Variants in PPP1R10 observed in about 807,000 individuals in gnomAD.
PPP1R10 encodes serine/threonine-protein phosphatase 1 regulatory subunit 10.
PPP1R10 carries 15 observed loss-of-function variants against 99.0 expected under a neutral mutation model. The observed-to-expected ratio is 0.15, with a 90% confidence interval of 0.10 to 0.23. The LOEUF (loss-of-function observed/expected upper bound fraction) is 0.23. PPP1R10 is among the 10% of genes least tolerant of loss of function. The pLI is 1.00. For synonymous variants in PPP1R10, 430 were observed against 449.5 expected, an observed-to-expected ratio of 0.96 and a Z score of 0.55; for missense variants, 947 against 1,259.4, an observed-to-expected ratio of 0.75 and a Z score of 3.75.
chr6:30,608,050 G>C (rs988775642), intron 5 of PPP1R10, among the ~76,000 whole-genome samples, 159 bp from the exon 6 acceptor site: 3 of 150,772 alleles, frequency 2.0e-5, no homozygotes, highest in Non-Finnish European at 4.4e-5. Flanking sequence ...GTGCAGTGGC[G>C]CAGTCTTGGC....
Position 30,602,574 on chromosome 6 carries a change from A to C in PPP1R10, c.2075T>G (p.Met692Arg), listed in dbSNP as rs1216849171. 1 of 1,565,374 alleles carries C rather than the reference A, an allele frequency of 6.4e-7. No homozygotes were observed. Among genetic ancestry groups the C allele is most frequent in the African/African-American group, 1.4e-5 (1 of 72,352 alleles). The change falls in exon 19 of 20, where the codon ATG becomes AGG. Residue 692 changes from methionine to arginine, a missense_variant. Coordinates refer to ENST00000376511, the MANE Select transcript of PPP1R10 (RefSeq NM_002714.4). This position sits in a 1 kb window ranked among gnomAD's most constrained non-coding sequence, Gnocchi z 6.7. ...AGGACCTGGTCCTGGACCCCCCCGC[A>C]TTGGGCCACCCCGCATAGGGTCGCC... ...GPGDPMRGGPMRGGPGPGPGP... is the reference protein window; with the variant it reads ...GPGDPMRGGPRRGGPGPGPGP...
intron 2 of PPP1R10, among the ~76,000 whole-genome samples, chr6:30,610,309 T>C (rs746558445): frequency 1.4e-4 from 21 of 152,290 alleles, no homozygotes; most frequent in Non-Finnish European, 2.9e-4. Context: ...GATGTTCAAC[T>C]CTCCAGGGCA....
chr6:30,602,248 C>T lies in PPP1R10; in HGVS notation c.2401G>A (p.Glu801Lys), dbSNP rs765124605. 5.0e-6 allele frequency: 8 copies of T among 1,611,954 alleles called. No homozygotes were observed. Among genetic ancestry groups the T allele is most frequent in the Admixed American group, 3.3e-5 (2 of 59,968 alleles). ...MGGGGGHRPH[E>K]GPGGGISGGS... ...CCACTGATGCCACCGCCAGGGCCTT[C>T]GTGGGGACGATGTCCTCCACCCCCA... Residue 801 changes from glutamate to lysine, a missense_variant, in exon 19 of 20, where the codon GAA becomes AAA. Physicochemically the swap from Glu to Lys is moderately conservative, Grantham distance 56. Transcript: ENST00000376511. This position sits in a 1 kb window ranked among gnomAD's most constrained non-coding sequence, Gnocchi z 6.7.
intron 17 of PPP1R10, 41 bp downstream of exon 17, chr6:30,603,169 G>A: frequency 6.4e-7 from 1 of 1,571,582 alleles, no homozygotes; most frequent in South Asian, 1.1e-5. Context: ...TCCACTGCAG[G>A]CTTCCTCCCC....
chr6:30,603,684 A>C lies in PPP1R10; in HGVS notation c.1573-18T>G. On this transcript the variant is annotated intron_variant, in intron 15 of 19. Coordinates refer to ENST00000376511, the MANE Select transcript of PPP1R10 (RefSeq NM_002714.4). ...GAACACTCCTGAAAGAAGAACAAAAAAAATCAGGATTGACAGAACAGAGAC... is the reference window on the plus strand; with the variant it reads ...GAACACTCCTGAAAGAAGAACAAAACAAATCAGGATTGACAGAACAGAGAC... The C allele has an allele frequency of 1.9e-6, 3 of 1,570,838 alleles. No homozygotes were observed. The highest frequency in any genetic ancestry group is 2.6e-6 in the Non-Finnish European group (3 of 1,161,244).
chr6:30,611,809 T>C (rs1804586676), intron 2 of PPP1R10, among the ~76,000 whole-genome samples: 1 of 151,966 alleles, frequency 6.6e-6, no homozygotes. Context: ...CCTCCACAAA[T>C]ACAAGTGGAA....
intron 5 of PPP1R10, among the ~76,000 whole-genome samples, chr6:30,608,259 T>C (rs1804165149): frequency 6.6e-6 from 1 of 151,134 alleles, no homozygotes; most frequent in Admixed American, 6.6e-5. Flanking sequence ...CCCAAAGTGT[T>C]GGGATTACAG....
rs1419857645 is a variant in PPP1R10, at chr6:30,603,764, C to T, written c.1572+16G>A. ...ATGACCATCACAACTTCCATCATCA[C>T]AGAACATTGACTTACCTCATCTAGG... On this transcript the variant is annotated intron_variant, in intron 15 of 19. Transcript: ENST00000376511. The T allele has an allele frequency of 6.5e-7, 1 of 1,543,962 alleles. No individual in the cohort carries two copies. The highest frequency in any genetic ancestry group is 2.3e-5 in the East Asian group (1 of 44,342).
In PPP1R10 at chr6:30,610,511, G is replaced by A. The variant is rs888444101; in HGVS notation, c.-11-556C>T. On this transcript the variant is annotated intron_variant, in intron 2 of 19. Transcript: ENST00000376511. Reference sequence around the variant, plus strand: ...CATGGCAAGATATGTATCAGCTGAAGTGGTAGATGATGGAGAACAAAACAA... The same window carrying A: ...CATGGCAAGATATGTATCAGCTGAAATGGTAGATGATGGAGAACAAAACAA... 2.0e-5 allele frequency among the ~76,000 whole-genome samples: 3 copies of A among 152,326 alleles called. 1 individual carries two copies. The highest frequency in any genetic ancestry group is 6.5e-5 in the Admixed American group (1 of 15,300).
At position 30,616,727 on chromosome 6, in the gene PPP1R10, G is replaced by T. The variant is rs1313933901; in HGVS notation, c.-261C>A. The T allele has an allele frequency of 6.6e-6, 1 of 152,166 alleles. No homozygotes were observed. Among genetic ancestry groups the T allele is most frequent in the Non-Finnish European group, 1.5e-5 (1 of 68,032 alleles). The allele number at this position is 152,166 out of a possible 1,614,324, so 9.4% of individuals were successfully genotyped here. A position where few individuals can be genotyped will look rare whatever the true frequency, so the allele number is the denominator to read the frequency against. ...TCAAAAAAGTAAACGCTGGATGAGT[G>T]AATTTGGGTGGTTTGGGAAGGGAGG... On this transcript the variant is annotated 5_prime_UTR_variant, in exon 2 of 20. Transcript: ENST00000376511.
In PPP1R10 at chr6:30,600,426, G is replaced by GT. The variant is rs1332543456; in HGVS notation, c.*1122dup. 2 of 152,060 alleles carry GT rather than the reference G, an allele frequency of 1.3e-5. No homozygotes were observed. Among genetic ancestry groups the GT allele is most frequent in the Non-Finnish European group, 2.9e-5 (2 of 67,968 alleles). The allele number at this position is 152,060 out of a possible 1,614,324, so 9.4% of individuals were successfully genotyped here. A position where few individuals can be genotyped will look rare whatever the true frequency, so the allele number is the denominator to read the frequency against. On this transcript the variant is annotated 3_prime_UTR_variant, in exon 20 of 20. Coordinates refer to ENST00000376511, the MANE Select transcript of PPP1R10 (RefSeq NM_002714.4). ...TAAATAAGCTGCTTCTCTTTCCACT[G>GT]TTTATTATTAATGTACAAAATATAC...
Position 30,604,839 on chromosome 6 carries a change from G to A in PPP1R10, c.955-104C>T. ...GTCCCCCAACAGTTCCTATATAAAGGAAGACTCTGTCTCCACAATGTCTCA... is the reference window on the plus strand; with the variant it reads ...GTCCCCCAACAGTTCCTATATAAAGAAAGACTCTGTCTCCACAATGTCTCA... On this transcript the variant is annotated intron_variant, in intron 11 of 19. Coordinates refer to ENST00000376511, the MANE Select transcript of PPP1R10 (RefSeq NM_002714.4). The surrounding 1 kb of genome is among the most constrained non-coding windows in gnomAD (Gnocchi z 7.3). 2 of 1,556,202 alleles carry A rather than the reference G, an allele frequency of 1.3e-6. No homozygotes were observed. The highest frequency in any genetic ancestry group is 1.1e-5 in the South Asian group (1 of 89,882).
In PPP1R10 at chr6:30,603,480, A is replaced by T; in HGVS notation, c.1759T>A (p.Ser587Thr). The T allele has an allele frequency of 6.2e-7, 1 of 1,609,806 alleles. No homozygotes were observed. The highest frequency in any genetic ancestry group is 8.5e-7 in the Non-Finnish European group (1 of 1,177,888). The change falls in exon 16 of 20, where the codon TCC (serine) becomes ACC (threonine). Residue 587 changes from serine to threonine, a missense_variant. This residue lies in a region of PPP1R10 where 525 missense variants were observed against 578.8 expected (regional missense o/e 0.91). Coordinates refer to ENST00000376511, the MANE Select transcript of PPP1R10 (RefSeq NM_002714.4). ...GGINVQEILTSIMGSPNSHPS... is the reference protein window; with the variant it reads ...GGINVQEILTTIMGSPNSHPS... The stretch of plus-strand genomic sequence containing the variant: ...GGAAGGAGGGTGCGTACCATGATGG[A>T]GGTGAGGATCTCTTGGACATTAATG...
chr6:30,602,868 A>AG lies in PPP1R10; in HGVS notation c.1934dup (p.Gly646TrpfsTer32). 6.4e-7 allele frequency: 1 copy of AG among 1,555,618 alleles called. No individual in the cohort carries two copies. The highest frequency in any genetic ancestry group is 8.7e-7 in the Non-Finnish European group (1 of 1,148,706). ...TACCTGGCATAGGTCCCCCAGGTCC[A>AG]GGGGGAAAGTGCTGCATGCCCTTGG... is the stretch of plus-strand genomic sequence containing the variant. On this transcript the variant is annotated frameshift_variant, in exon 18 of 20. Transcript: ENST00000376511. LOFTEE classifies it high-confidence loss of function. This position sits in a 1 kb window ranked among gnomAD's most constrained non-coding sequence, Gnocchi z 6.7.
At chr6:30,614,965 C>T (rs1023011966) in intron 2 of PPP1R10, among the ~76,000 whole-genome samples, 3 of 152,164 alleles carry the variant, frequency 2.0e-5, no homozygotes, top group Admixed American at 6.5e-5. Context: ...CAGCAACGAG[C>T]ACAGGCAGTG....
At chr6:30,612,149 C>A (rs369609625) in intron 2 of PPP1R10, among the ~76,000 whole-genome samples, 2 of 152,126 alleles carry the variant, frequency 1.3e-5, no homozygotes, top group East Asian at 3.8e-4. Context: ...CCATTAGATT[C>A]CTAAAGCAAA....
In PPP1R10 at chr6:30,604,881, T is replaced by A; in HGVS notation, c.954+113A>T. 6.6e-7 allele frequency: 1 copy of A among 1,512,808 alleles called. No individual in the cohort carries two copies. The highest frequency in any genetic ancestry group is 9.2e-7 in the Non-Finnish European group (1 of 1,090,320). The allele number at this position is 1,512,808 out of a possible 1,614,324, so 93.7% of individuals were successfully genotyped here. A position where few individuals can be genotyped will look rare whatever the true frequency, so the allele number is the denominator to read the frequency against. On this transcript the variant is annotated intron_variant, in intron 11 of 19. Coordinates refer to ENST00000376511, the MANE Select transcript of PPP1R10 (RefSeq NM_002714.4). The surrounding 1 kb of genome is among the most constrained non-coding windows in gnomAD (Gnocchi z 7.3). ...AATGTCTCACCTGCACCAGTCTATA[T>A]CCAAGGCAAAACGCCTCTTGTTGTC...
At position 30,604,582 on chromosome 6, in the gene PPP1R10, G is replaced by C; in HGVS notation, c.1102+6C>G. On this transcript the variant is annotated splice_donor_region_variant and intron_variant, in intron 12 of 19. Coordinates refer to ENST00000376511, the MANE Select transcript of PPP1R10 (RefSeq NM_002714.4). The surrounding 1 kb of genome is among the most constrained non-coding windows in gnomAD (Gnocchi z 7.3). ...ACCCCCCAAACTGAACCAGTTTCTA[G>C]ATTACCTGTATCCATGAGCTCCGGG... The C allele has an allele frequency of 6.2e-7, 1 of 1,612,982 alleles. No individual in the cohort carries two copies.
chr6:30,611,849 G>C (rs1481855289), intron 2 of PPP1R10, among the ~76,000 whole-genome samples: 1 of 152,138 alleles, frequency 6.6e-6, no homozygotes, highest in African/African-American at 2.4e-5. Context: ...CATTCAAGGA[G>C]AATACTGGAA....
Sources: gnomAD v4.1 joint callset for allele counts (sites outside exome capture counted in the v4.1 genomes callset) on GRCh38, gnomAD v4.1.1 for gene constraint, gnomAD v4.1.1 regional missense constraint, Gnocchi (gnomAD v3.1) non-coding constraint, MANE v1.5 for transcripts, NCBI Gene and HGNC (gene_info 2026-07-23, HGNC 2026-07-21) for gene names.